Variants in TNS3 observed in about 807,000 individuals in gnomAD.
TNS3 encodes tensin-3.
A neutral mutation model predicts 140.9 loss-of-function variants in TNS3; 45 were observed. The ratio of observed to expected loss-of-function variants is 0.32; its 90% confidence interval spans 0.25 to 0.41. The LOEUF (loss-of-function observed/expected upper bound fraction) is 0.41. Among genes scored for constraint, TNS3 ranks in the 10% least tolerant of loss-of-function variants. The pLI, the probability that TNS3 is intolerant of heterozygous loss-of-function variation, is 1.00. For missense variants in TNS3, 1,716 were observed against 1,906.7 expected, an observed-to-expected ratio of 0.90 and a Z score of 1.86; for synonymous variants, 815 against 788.4, an observed-to-expected ratio of 1.03 and a Z score of -0.56.
chr7:47,457,173 A>AGGGGGGG (rs1414247653), intron 4 of TNS3, among the ~76,000 whole-genome samples: 1 of 1,482 alleles, frequency 6.7e-4, no homozygotes, highest in Non-Finnish European at 1.3e-3. Flanking sequence ...GGGGAGGGGA[A>AGGGGGGG]GGGAGGGGAG....
chr7:47,506,725 G>A (rs981917914), intron 3 of TNS3, among the ~76,000 whole-genome samples, 182 bp downstream of exon 3: 5 of 152,096 alleles, frequency 3.3e-5, no homozygotes, highest in East Asian at 1.9e-4. Flanking sequence ...AATCAAAACC[G>A]TGGATTTCAA....
chr7:47,468,164 G>C (rs1048993999), intron 4 of TNS3, among the ~76,000 whole-genome samples: 1 of 151,960 alleles, frequency 6.6e-6, no homozygotes, highest in African/African-American at 2.4e-5. Context: ...ACAAAAATTA[G>C]GCCGGGCACA....
Position 47,545,466 on chromosome 7 carries a change from T to C in TNS3, c.-264-16319A>G, listed in dbSNP as rs554143258. 2.8e-4 allele frequency among the ~76,000 whole-genome samples: 43 copies of C among 152,282 alleles called. No homozygotes were observed. The South Asian group carries it at 6.2e-3, about 22-fold the overall frequency. ...TAGAAATCTCTGTTACTGTTTGATG[T>C]GGACAAGGCGCCCAAGGCTCTAGGA... On this transcript the variant is annotated intron_variant, in intron 1 of 30. Coordinates refer to ENST00000311160, the MANE Select transcript of TNS3 (RefSeq NM_022748.12).
At chr7:47,328,684 G>A (rs1008305243) in intron 20 of TNS3, among the ~76,000 whole-genome samples, 1 of 152,220 alleles carries the variant, frequency 6.6e-6, no homozygotes, top group African/African-American at 2.4e-5. Context: ...GGGGCCATCT[G>A]CCTCTCATCT....
intron 12 of TNS3, 115 bp from the exon 13 acceptor site, chr7:47,411,917 A>T: frequency 1.1e-6 from 1 of 933,984 alleles, no homozygotes; most frequent in Middle Eastern, 2.2e-4. Context: ...CAGAATGCCC[A>T]ATCAGCCCAG....
At chr7:47,481,002 TAGAGGAAGCCAAAAGATCCCCAA>T in intron 4 of TNS3, 78 bp downstream of exon 4, 1 of 944,772 alleles carries the variant, frequency 1.1e-6, no homozygotes, top group Non-Finnish European at 1.5e-6. Context: ...GCATGGATCC[TAGAGGAAGCCAAAAGATCCCCAA>T]AGAGGGAGCA....
chr7:47,553,247 A>G (rs2151984951), intron 1 of TNS3, among the ~76,000 whole-genome samples: 1 of 152,354 alleles, frequency 6.6e-6, no homozygotes, highest in Middle Eastern at 3.4e-3. Flanking sequence ...TCTAGCTAAG[A>G]CCATTGATGA....
intron 16 of TNS3, among the ~76,000 whole-genome samples, chr7:47,391,035 C>T (rs551586240): frequency 1.2e-4 from 18 of 152,252 alleles, no homozygotes; most frequent in East Asian, 1.9e-4. Flanking sequence ...GACATTCCCC[C>T]GATCTCACGA....
chr7:47,577,317 A>C (rs1800697820), intron 1 of TNS3, among the ~76,000 whole-genome samples: 1 of 152,246 alleles, frequency 6.6e-6, no homozygotes, highest in African/African-American at 2.4e-5. Flanking sequence ...CTTTCCCCAA[A>C]AGAGAAGAGG....
At chr7:47,319,139 C>T (rs976021366) in intron 20 of TNS3, among the ~76,000 whole-genome samples, 4 of 152,126 alleles carry the variant, frequency 2.6e-5, no homozygotes, top group African/African-American at 7.2e-5. Flanking sequence ...CCATGTGCAC[C>T]GCTATATAGG....
Position 47,368,958 on chromosome 7 carries a change from G to A in TNS3, c.1688C>T (p.Pro563Leu). 6.2e-7 allele frequency: 1 copy of A among 1,613,838 alleles called. No homozygotes were observed. Among genetic ancestry groups the A allele is most frequent in the Non-Finnish European group, 8.5e-7 (1 of 1,179,970 alleles). Reference protein sequence around the residue: ...RTFGSREPKQPQPLLRKPSVS... With the variant: ...RTFGSREPKQLQPLLRKPSVS... ...TGAGGGCTTTCTCAGCAGGGGCTGGGGCTGCTTGGGCTCTCGACTCCCAAA... is the reference window on the plus strand; with the variant it reads ...TGAGGGCTTTCTCAGCAGGGGCTGGAGCTGCTTGGGCTCTCGACTCCCAAA... Residue 563 changes from proline to leucine, a missense_variant, in exon 17 of 31, where the codon CCC becomes CTC. By Grantham distance (98) the Pro-to-Leu change is moderately conservative. Transcript: ENST00000311160.
At chr7:47,334,885 G>C (rs1788545151) in intron 20 of TNS3, among the ~76,000 whole-genome samples, 1 of 151,980 alleles carries the variant, frequency 6.6e-6, no homozygotes. Flanking sequence ...GGGATTACAG[G>C]CATGAGCCAC....
chr7:47,579,801 C>G, intron 1 of TNS3: 1 of 982,978 alleles, frequency 1.0e-6, no homozygotes, highest in Non-Finnish European at 1.2e-6. Flanking sequence ...CAGATATAAG[C>G]TGCGACTGCC....
intron 1 of TNS3, among the ~76,000 whole-genome samples, chr7:47,558,824 TCCAAGCCCTCCTTGGTTATGTCCAAGG>T (rs1176319338): frequency 6.6e-6 from 1 of 152,082 alleles, no homozygotes; most frequent in Non-Finnish European, 1.5e-5. Context: ...AGGGTCCAAG[TCCAAGCCCTCCTTGGTTATGTCCAAGG>T]CCATGAGCAG....
intron 20 of TNS3, among the ~76,000 whole-genome samples, chr7:47,340,781 C>A (rs1788966589): frequency 6.6e-6 from 1 of 152,022 alleles, no homozygotes; most frequent in Non-Finnish European, 1.5e-5. Context: ...AGTTTTATTT[C>A]TTTCCTCTCA....
At chr7:47,426,258 G>A (rs113361196) in intron 9 of TNS3, among the ~76,000 whole-genome samples, 6,411 of 152,196 alleles carry the variant, frequency 0.042, 181 homozygotes, top group African/African-American at 0.076. Context: ...CTCCAGCCCC[G>A]GCAACAGAGT....
intron 8 of TNS3, among the ~76,000 whole-genome samples, chr7:47,432,086 C>T (rs1238498886): frequency 2.0e-5 from 3 of 151,892 alleles, no homozygotes; most frequent in South Asian, 2.1e-4. Flanking sequence ...ATTCCATCAC[C>T]GAAAAAAAGA....
rs150475895 is a variant in TNS3, at chr7:47,437,333, T to C, written c.151-20A>G. On this transcript the variant is annotated intron_variant, in intron 6 of 30. Transcript: ENST00000311160. ...TAATACCTATAAAAGAGAGGAAAAA[T>C]TGCCTTGCATAAAATAGATTTTAAT... 2 of 1,307,016 alleles carry C rather than the reference T, an allele frequency of 1.5e-6. No individual in the cohort carries two copies. Among genetic ancestry groups the C allele is most frequent in the Non-Finnish European group, 2.0e-6 (2 of 999,634 alleles). 81.0% of individuals were successfully genotyped at this position (1,307,016 alleles called of 1,614,324 possible). A position where few individuals can be genotyped will look rare whatever the true frequency, so the allele number is the denominator to read the frequency against.
intron 8 of TNS3, among the ~76,000 whole-genome samples, chr7:47,431,596 A>C (rs1359330410): frequency 6.6e-6 from 1 of 152,234 alleles, no homozygotes. Context: ...CGTCTCAAAA[A>C]ACAAAACAAA....
Sources: allele counts gnomAD v4.1 joint callset (sites outside exome capture counted in the v4.1 genomes callset), GRCh38; gene constraint gnomAD v4.1.1; transcripts MANE v1.5; gene names NCBI Gene and HGNC (gene_info 2026-07-23, HGNC 2026-07-21).